The following LEPROT variants were observed in gnomAD, a reference collection of about 807,000 sequenced individuals.
LEPROT encodes leptin receptor gene-related protein.
In LEPROT, 3 loss-of-function variants were observed where a neutral mutation model predicts 15.4. The observed-to-expected ratio is 0.19, with a 90% CI of 0.09 to 0.50. The LOEUF is 0.50. Among genes scored for constraint, LEPROT ranks in the 20% least tolerant of loss-of-function variants. The probability of loss-of-function intolerance (pLI) is 0.97; values close to 1 mark genes in which losing one functional copy is unlikely to be tolerated. For synonymous variants in LEPROT, 59 were observed against 57.5 expected (o/e 1.03, Z -0.12); for missense variants, 137 against 162.2 (o/e 0.84, Z 0.84).
In LEPROT at chr1:65,433,069, C is replaced by CGAG; in HGVS notation, c.*1151_*1153dup. The stretch of plus-strand genomic sequence containing the variant: ...GAGATGCGGGCAGGGAGGCTGGGCT[C>CGAG]GAGCCAGCCCCTGCGTTAGCAGGAG... On this transcript the variant is annotated 3_prime_UTR_variant, in exon 4 of 4. Transcript: ENST00000371065. The CGAG allele has an allele frequency of 1.0e-6, 1 of 985,358 alleles. No individual in the cohort carries two copies. The highest frequency in any genetic ancestry group is 1.2e-6 in the Non-Finnish European group (1 of 829,912). The allele number at this position is 985,358 out of a possible 1,614,324, so 61.0% of individuals were successfully genotyped here. A position where few individuals can be genotyped will look rare whatever the true frequency, so the allele number is the denominator to read the frequency against.
chr1:65,428,552 A>G (rs913234098), intron 2 of LEPROT, among the ~76,000 whole-genome samples: 1 of 152,166 alleles, frequency 6.6e-6, no homozygotes, highest in Non-Finnish European at 1.5e-5. Flanking sequence ...GTCCTCTTGA[A>G]GGACACATTC....
At position 65,433,774 on chromosome 1, in the gene LEPROT, G is replaced by C; in HGVS notation, c.*1855G>C. 2.2e-6 allele frequency: 2 copies of C among 918,774 alleles called. No homozygotes were observed. The highest frequency in any genetic ancestry group is 3.6e-5 in the African/African-American group (2 of 55,768). 56.9% of individuals were successfully genotyped at this position (918,774 alleles called of 1,614,324 possible). A position where few individuals can be genotyped will look rare whatever the true frequency, so the allele number is the denominator to read the frequency against. ...TTTAATAATGACACTTGCATTTATT[G>C]TATTGTAATAAATTTCACTTTTAAC... On this transcript the variant is annotated 3_prime_UTR_variant, in exon 4 of 4. Coordinates refer to ENST00000371065, the MANE Select transcript of LEPROT (RefSeq NM_017526.5).
rs1408004248 is a variant in LEPROT, at chr1:65,433,672, T to C, written c.*1753T>C. 6.1e-6 allele frequency: 6 copies of C among 983,838 alleles called. No individual in the cohort carries two copies. The highest frequency in any genetic ancestry group is 7.2e-6 in the Non-Finnish European group (6 of 828,608). The allele number at this position is 983,838 out of a possible 1,614,324, so 60.9% of individuals were successfully genotyped here. ...ATGTTTTCAGTGTCCTGTGTACATA[T>C]AGAATTGTTAAAGTTGTCATTTCCA... On this transcript the variant is annotated 3_prime_UTR_variant, in exon 4 of 4. Coordinates refer to ENST00000371065, the MANE Select transcript of LEPROT (RefSeq NM_017526.5).
chr1:65,434,948 G>T lies in LEPROT; in HGVS notation c.*3029G>T, dbSNP rs901069811. On this transcript the variant is annotated 3_prime_UTR_variant, in exon 4 of 4. Coordinates refer to ENST00000371065, the MANE Select transcript of LEPROT (RefSeq NM_017526.5). ...CCTTGTGATTATCTTCTCCACATCT[G>T]AAATTCCTTTTGACACCTGCATTGG... 4.1e-6 allele frequency: 4 copies of T among 985,482 alleles called. No individual in the cohort carries two copies. In the South Asian group the frequency reaches 1.9e-4, roughly 46 times the overall value. 61.0% of individuals were successfully genotyped at this position (985,482 alleles called of 1,614,324 possible). A position where few individuals can be genotyped will look rare whatever the true frequency, so the allele number is the denominator to read the frequency against.
chr1:65,433,309 C>T lies in LEPROT; in HGVS notation c.*1390C>T, dbSNP rs1442804430. ...ACTACGTGTTGATGTACTTGTCTTC[C>T]GTCCTGTAGGTCTTTTCTATATAAC... On this transcript the variant is annotated 3_prime_UTR_variant, in exon 4 of 4. Coordinates refer to ENST00000371065, the MANE Select transcript of LEPROT (RefSeq NM_017526.5). The T allele has an allele frequency of 1.7e-5, 17 of 985,388 alleles. No homozygotes were observed. The East Asian group carries it at 5.7e-4, about 33-fold the overall frequency. The allele number at this position is 985,388 out of a possible 1,614,324, so 61.0% of individuals were successfully genotyped here.
chr1:65,435,672 G>A lies in LEPROT; in HGVS notation c.*3753G>A. ...CTGAGCCACTGTGCCCAGCCAAAAT[G>A]TGCCTTTGCAAAGTTTGCGAAATCA... On this transcript the variant is annotated 3_prime_UTR_variant, in exon 4 of 4. Coordinates refer to ENST00000371065, the MANE Select transcript of LEPROT (RefSeq NM_017526.5). 1.0e-6 allele frequency: 1 copy of A among 985,328 alleles called. No homozygotes were observed. Among genetic ancestry groups the A allele is most frequent in the Non-Finnish European group, 1.2e-6 (1 of 829,882 alleles). The allele number at this position is 985,328 out of a possible 1,614,324, so 61.0% of individuals were successfully genotyped here.
Position 65,425,390 on chromosome 1 carries a change from T to C in LEPROT, c.92+12T>C, listed in dbSNP as rs1260486563. Reference sequence around the variant, plus strand: ...TTAGAGGATTATGGGTAAGTTATCATTTCAAAAAGAACTATTCCTCTTTCT... The same window carrying C: ...TTAGAGGATTATGGGTAAGTTATCACTTCAAAAAGAACTATTCCTCTTTCT... On this transcript the variant is annotated intron_variant, in intron 2 of 3. Transcript: ENST00000371065. 9.4e-6 allele frequency: 15 copies of C among 1,587,788 alleles called. No homozygotes were observed. Among genetic ancestry groups the C allele is most frequent in the Non-Finnish European group, 1.3e-5 (15 of 1,170,856 alleles).
At position 65,432,087 on chromosome 1, in the gene LEPROT, C is replaced by T. The variant is rs1487605665; in HGVS notation, c.*168C>T. The T allele has an allele frequency of 6.0e-6, 8 of 1,332,406 alleles. No individual in the cohort carries two copies. The highest frequency in any genetic ancestry group is 1.5e-5 in the African/African-American group (1 of 66,246). 82.5% of individuals were successfully genotyped at this position (1,332,406 alleles called of 1,614,324 possible). A position where few individuals can be genotyped will look rare whatever the true frequency, so the allele number is the denominator to read the frequency against. Reference sequence around the variant, plus strand: ...TCATAAGTAGGAGATGAGTTTTATTCTCAGCAAATAGACCTGTCAAATTTA... The same window carrying T: ...TCATAAGTAGGAGATGAGTTTTATTTTCAGCAAATAGACCTGTCAAATTTA... On this transcript the variant is annotated 3_prime_UTR_variant, in exon 4 of 4. Transcript: ENST00000371065.
At chr1:65,425,179 A>G in intron 1 of LEPROT, 124 bp from the exon 2 acceptor site, 1 of 743,360 alleles carries the variant, frequency 1.3e-6, no homozygotes. Context: ...CTAATTCCAG[A>G]AAATTTACTC....
intron 3 of LEPROT, 118 bp from the exon 4 acceptor site, chr1:65,431,685 C>CT: frequency 9.6e-7 from 1 of 1,040,638 alleles, no homozygotes; most frequent in Admixed American, 2.5e-5. Context: ...ATTATTAAGC[C>CT]TTTTAGCAGC....
chr1:65,432,998 A>T lies in LEPROT; in HGVS notation c.*1079A>T. The T allele has an allele frequency of 1.0e-6, 1 of 985,458 alleles. No homozygotes were observed. The highest frequency in any genetic ancestry group is 1.2e-6 in the Non-Finnish European group (1 of 829,934). 61.0% of individuals were successfully genotyped at this position (985,458 alleles called of 1,614,324 possible). A position where few individuals can be genotyped will look rare whatever the true frequency, so the allele number is the denominator to read the frequency against. ...AAAAAAACATCTCAGTGGGGAACAG[A>T]TGTATCTTTTCATCTGAAAGACAAT... On this transcript the variant is annotated 3_prime_UTR_variant, in exon 4 of 4. Coordinates refer to ENST00000371065, the MANE Select transcript of LEPROT (RefSeq NM_017526.5).
rs1008908854 is a variant in LEPROT at position 65,432,964 on chromosome 1, C to G, written c.*1045C>G. On this transcript the variant is annotated 3_prime_UTR_variant, in exon 4 of 4. Coordinates refer to ENST00000371065, the MANE Select transcript of LEPROT (RefSeq NM_017526.5). ...ATCAAAATAAAAAACAAAACATACT[C>G]TCTCCCCCAAAAAAACATCTCAGTG... 3.0e-6 allele frequency: 3 copies of G among 985,050 alleles called. No homozygotes were observed. Among genetic ancestry groups the G allele is most frequent in the East Asian group, 1.1e-4 (1 of 8,822 alleles). 61.0% of individuals were successfully genotyped at this position (985,050 alleles called of 1,614,324 possible).
At chr1:65,429,339 G>C (rs1156419067) in intron 2 of LEPROT, among the ~76,000 whole-genome samples, 1 of 152,178 alleles carries the variant, frequency 6.6e-6, no homozygotes, top group Non-Finnish European at 1.5e-5. Context: ...CAGAAAAAAG[G>C]CTGGTGTGGC....
At chr1:65,420,783 C>T (rs1406337951) in intron 1 of LEPROT, 43 bp downstream of exon 1, 3 of 1,566,212 alleles carry the variant, frequency 1.9e-6, no homozygotes, top group Middle Eastern at 1.7e-4. Flanking sequence ...GGTGGGGTTG[C>T]CACCTCCGTT....
At chr1:65,421,386 C>T in intron 1 of LEPROT, 1 of 1,536,034 alleles carries the variant, frequency 6.5e-7, no homozygotes, top group South Asian at 1.2e-5. Flanking sequence ...GGTAAAAACA[C>T]CGCGTCCCTT....
rs114328096 is a variant in LEPROT at position 65,432,681 on chromosome 1, A to T, written c.*762A>T. On this transcript the variant is annotated 3_prime_UTR_variant, in exon 4 of 4. Coordinates refer to ENST00000371065, the MANE Select transcript of LEPROT (RefSeq NM_017526.5). ...TGAAAAGTGTTCTCAGAATTGGGAG[A>T]CAGTCAAAGGGTACAAAGCCTCAGT... 0.016 allele frequency: 15,565 copies of T among 974,326 alleles called. 142 individuals carry two copies. Among genetic ancestry groups the T allele is most frequent in the Non-Finnish European group, 0.018 (14,401 of 819,892 alleles). The allele number at this position is 974,326 out of a possible 1,614,324, so 60.4% of individuals were successfully genotyped here. A position where few individuals can be genotyped will look rare whatever the true frequency, so the allele number is the denominator to read the frequency against.
At position 65,421,218 on chromosome 1, in the gene LEPROT, G is replaced by C; in HGVS notation, c.16+478G>C. On this transcript the variant is annotated intron_variant, in intron 1 of 3. Coordinates refer to ENST00000371065, the MANE Select transcript of LEPROT (RefSeq NM_017526.5). Reference sequence around the variant, plus strand: ...CAACTGGGCAGAGTTGACCGCGGGCGGGTGTCAATGGAAAGCACCCAGAAA... The same window carrying C: ...CAACTGGGCAGAGTTGACCGCGGGCCGGTGTCAATGGAAAGCACCCAGAAA... The C allele has an allele frequency of 6.1e-6, 7 of 1,152,542 alleles. No homozygotes were observed. In the South Asian group the frequency reaches 1.1e-4, roughly 17 times the overall value. The allele number at this position is 1,152,542 out of a possible 1,614,324, so 71.4% of individuals were successfully genotyped here. A position where few individuals can be genotyped will look rare whatever the true frequency, so the allele number is the denominator to read the frequency against.
At position 65,435,370 on chromosome 1, in the gene LEPROT, T is replaced by TTTTC. The variant is rs1646546227; in HGVS notation, c.*3454_*3455insCTTT. 1 of 817,456 alleles carries TTTTC rather than the reference T, an allele frequency of 1.2e-6. No homozygotes were observed. The highest frequency in any genetic ancestry group is 5.7e-5 in the South Asian group (1 of 17,542). 50.6% of individuals were successfully genotyped at this position (817,456 alleles called of 1,614,324 possible). ...ACAAAATGTGCCTTTTCTTTTCTTT[T>TTTTC]TTTTTTTTTTTTTTTGAGGCAGAGT... is the stretch of plus-strand genomic sequence containing the variant. On this transcript the variant is annotated 3_prime_UTR_variant, in exon 4 of 4. Transcript: ENST00000371065.
chr1:65,431,415 A>G (rs1383826267), intron 3 of LEPROT, among the ~76,000 whole-genome samples: 1 of 152,260 alleles, frequency 6.6e-6, no homozygotes, highest in Non-Finnish European at 1.5e-5. Flanking sequence ...CCTAGAAAAG[A>G]AACACACAAA....
Sources: gnomAD v4.1 joint callset for allele counts (sites outside exome capture counted in the v4.1 genomes callset) on GRCh38, gnomAD v4.1.1 for gene constraint, MANE v1.5 for transcripts, NCBI Gene and HGNC (gene_info 2026-07-23, HGNC 2026-07-21) for gene names.